ZZEF1: variants seen among roughly 807,000 people sequenced by gnomAD.
The protein encoded by ZZEF1 is zinc finger ZZ-type and EF-hand domain-containing protein 1.
A neutral mutation model predicts 342.8 loss-of-function variants in ZZEF1; 157 were observed. The ratio of observed to expected loss-of-function variants is 0.46; its 90% CI spans 0.40 to 0.52. The LOEUF (loss-of-function observed/expected upper bound fraction) is 0.52. Among genes scored for constraint, ZZEF1 ranks in the 20% least tolerant of loss-of-function variants. ZZEF1 has a pLI of 0.00. For missense variants in ZZEF1, 3,480 were observed against 3,725.6 expected (o/e 0.93, Z 1.72); for synonymous variants, 1,505 against 1,429.1 (o/e 1.05, Z -1.20).
intron 11 of ZZEF1, among the ~76,000 whole-genome samples, chr17:4,092,409 C>T (rs2057962658): frequency 6.6e-6 from 1 of 151,114 alleles, no homozygotes; most frequent in Non-Finnish European, 1.5e-5. Flanking sequence ...AAAGATTCAC[C>T]TGCCTCAGCT....
At chr17:4,009,015 G>A (rs1007317644) in intron 53 of ZZEF1, 61 bp from the exon 54 acceptor site, 2 of 1,515,754 alleles carry the variant, frequency 1.3e-6, no homozygotes, top group Non-Finnish European at 1.8e-6. Flanking sequence ...AGCTCTCCCA[G>A]ACCACCTGGG....
intron 41 of ZZEF1, 86 bp from the exon 42 acceptor site, chr17:4,032,344 T>C (rs1379391117): frequency 4.2e-6 from 6 of 1,436,814 alleles, no homozygotes; most frequent in East Asian, 2.4e-5. Flanking sequence ...CCCCCTTTGA[T>C]TGTGCCTCTG....
At chr17:4,066,571 CT>C (rs779751461) in intron 27 of ZZEF1, 31 bp from the exon 28 acceptor site, 9 of 1,604,474 alleles carry the variant, frequency 5.6e-6, no homozygotes, top group Non-Finnish European at 7.7e-6. Flanking sequence ...CATCATTATG[CT>C]GTCCAGGCAG....
chr17:4,052,031 T>C lies in ZZEF1; in HGVS notation c.5540A>G (p.Asn1847Ser), dbSNP rs779592188. The C allele has an allele frequency of 1.3e-5, 21 of 1,614,088 alleles. No homozygotes were observed. The highest frequency in any genetic ancestry group is 5.3e-5 in the African/African-American group (4 of 74,942). Residue 1847 changes from asparagine (N) to serine (S), a missense_variant, in exon 35 of 55, where the codon AAT becomes AGT. Asn to Ser is a conservative substitution (Grantham distance 46). Transcript: ENST00000381638. ...GLIIGRRMNC[N>S]VCDDFDLCYG... ...GCAAAGATCAAAGTCATCGCAAACA[T>C]TGCAGTTCATCCTCCGGCCTATGAT...
At chr17:4,129,877 C>A (rs1250721084) in intron 1 of ZZEF1, among the ~76,000 whole-genome samples, 1 of 152,158 alleles carries the variant, frequency 6.6e-6, no homozygotes, top group Non-Finnish European at 1.5e-5. Context: ...ATGGATGGAG[C>A]TGGAGGCCAC....
chr17:4,086,335 TTCCCACAGCGGCAATCCCTTTCTGGGGG>T, intron 15 of ZZEF1, 123 bp downstream of exon 15: 1 of 527,808 alleles, frequency 1.9e-6, no homozygotes, highest in Non-Finnish European at 3.3e-6. Context: ...TTCTGGGGGA[TTCCCACAGCGGCAATCCCTTTCTGGGGG>T]ATTCCCACAG....
chr17:4,134,522 T>C (rs759963835), intron 1 of ZZEF1, among the ~76,000 whole-genome samples: 6 of 151,868 alleles, frequency 4.0e-5, no homozygotes, highest in Non-Finnish European at 7.4e-5. Context: ...GTGTGACAAT[T>C]ACGATACGAG....
In ZZEF1 at chr17:4,008,027, G is replaced by A. The variant is rs2055849937; in HGVS notation, c.8805+856C>T. The stretch of plus-strand genomic sequence containing the variant: ...TCCAAGGTTCTCAAAATGTACTCTG[G>A]GGCCAGGCGACTCCCGAGACCCTTT... On this transcript the variant is annotated intron_variant, in intron 54 of 54. Coordinates refer to ENST00000381638, the MANE Select transcript of ZZEF1 (RefSeq NM_015113.4). This position sits in a 1 kb window ranked among gnomAD's most constrained non-coding sequence, Gnocchi z 4.2. Among the ~76,000 whole-genome samples, 1 of 145,388 alleles carries A rather than the reference G, an allele frequency of 6.9e-6. No individual in the cohort carries two copies. Among genetic ancestry groups the A allele is most frequent in the South Asian group, 2.3e-4 (1 of 4,440 alleles).
At chr17:4,010,724 C>CAAAAATAAA (rs2055926056) in intron 52 of ZZEF1, among the ~76,000 whole-genome samples, 1 of 85,268 alleles carries the variant, frequency 1.2e-5, no homozygotes, top group Admixed American at 1.5e-4. Flanking sequence ...GATTCCGTCT[C>CAAAAATAAA]AAAAAAAAAA....
intron 18 of ZZEF1, among the ~76,000 whole-genome samples, chr17:4,079,717 C>G (rs1313077092): frequency 6.6e-6 from 1 of 152,154 alleles, no homozygotes; most frequent in Non-Finnish European, 1.5e-5. Context: ...AGGCACCCTA[C>G]AGGTGCTCTG....
chr17:4,020,460 AG>A (rs2056240191), intron 45 of ZZEF1, among the ~76,000 whole-genome samples: 1 of 152,146 alleles, frequency 6.6e-6, no homozygotes, highest in South Asian at 2.1e-4. Flanking sequence ...CTCCTGCCTC[AG>A]CCTCCTGGGT....
In ZZEF1 at chr17:4,030,358, T is replaced by G. The variant is rs1223687393; in HGVS notation, c.6892+1768A>C. Among the ~76,000 whole-genome samples, 3 of 152,230 alleles carry G rather than the reference T, an allele frequency of 2.0e-5. No individual in the cohort carries two copies. In the East Asian group the frequency reaches 5.8e-4, roughly 29 times the overall value. On this transcript the variant is annotated intron_variant, in intron 42 of 54. Transcript: ENST00000381638. Reference sequence around the variant, plus strand: ...TCTAAATAAACTGAATGATGTACCATGCACTCAATATAGAAGTCCCTGACT... The same window carrying G: ...TCTAAATAAACTGAATGATGTACCAGGCACTCAATATAGAAGTCCCTGACT...
rs1242900685 is a variant in ZZEF1 at position 4,114,373 on chromosome 17, G to C, written c.792C>G (p.Asp264Glu). The change falls in exon 4 of 55, where the codon GAC (aspartate) becomes GAG (glutamate). Residue 264 changes from aspartate to glutamate, a missense_variant. Physicochemically the swap from Asp to Glu is conservative, Grantham distance 45. Transcript: ENST00000381638. Reference protein sequence around the residue: ...AYIETSSNSADIDKMTNGETS... With the variant: ...AYIETSSNSAEIDKMTNGETS... The stretch of plus-strand genomic sequence containing the variant: ...TTTCTCCATTTGTCATCTTGTCAAT[G>C]TCTGCCGAGTTGGAGGATGTTTCTA... 4 of 1,612,378 alleles carry C rather than the reference G, an allele frequency of 2.5e-6. No homozygotes were observed. The highest frequency in any genetic ancestry group is 3.4e-6 in the Non-Finnish European group (4 of 1,179,242).
At chr17:4,096,032 C>T in intron 10 of ZZEF1, 53 bp from the exon 11 acceptor site, 4 of 1,531,338 alleles carry the variant, frequency 2.6e-6, no homozygotes, top group South Asian at 2.5e-5. Context: ...GTTCTGTGGC[C>T]GTTTTGTTTC....
Position 4,056,240 on chromosome 17 carries a change from C to T in ZZEF1, c.5271G>A (p.Gln1757=). 1 of 1,590,168 alleles carries T rather than the reference C, an allele frequency of 6.3e-7. No homozygotes were observed. Among genetic ancestry groups the T allele is most frequent in the Non-Finnish European group, 8.6e-7 (1 of 1,168,038 alleles). ...MFEAWYEKIA[Q]EDPEKQRKMH... is the part of the protein sequence containing the mutation. ...CTTTCCTCTGCTTCTCTGGATCTTCCTGGGCTATTTTTTCATACCAGGCCT... is the reference window on the plus strand; with the variant it reads ...CTTTCCTCTGCTTCTCTGGATCTTCTTGGGCTATTTTTTCATACCAGGCCT... Residue 1757 remains glutamine, a synonymous_variant, in exon 33 of 55, where the codon CAG becomes CAA. Coordinates refer to ENST00000381638, the MANE Select transcript of ZZEF1 (RefSeq NM_015113.4).
At chr17:4,044,961 A>C (rs1391311744) in intron 37 of ZZEF1, among the ~76,000 whole-genome samples, 1 of 151,874 alleles carries the variant, frequency 6.6e-6, no homozygotes, top group Non-Finnish European at 1.5e-5. Flanking sequence ...CAACACCAGC[A>C]TGGCCAACAT....
Position 4,142,615 on chromosome 17 carries a change from G to A in ZZEF1, c.281C>T (p.Ser94Phe). 1.9e-6 allele frequency: 3 copies of A among 1,605,490 alleles called. No homozygotes were observed. Among genetic ancestry groups the A allele is most frequent in the Non-Finnish European group, 2.5e-6 (3 of 1,179,736 alleles). Residue 94 changes from serine to phenylalanine, a missense_variant, in exon 1 of 55, where the codon TCT becomes TTT. This residue lies in a region of ZZEF1 where 416 missense variants were observed against 374.2 expected (regional missense o/e 1.11). Transcript: ENST00000381638. ...LEERLGRGEE[S>F]VTLEQFRELL... ...CTCCCGGAACTGCTCCAGAGTGACA[G>A]ACTCTTCGCCGCGGCCCAGCCGCTC...
chr17:4,068,675 G>A (rs1310394034), intron 26 of ZZEF1, among the ~76,000 whole-genome samples: 2 of 152,186 alleles, frequency 1.3e-5, no homozygotes, highest in African/African-American at 4.8e-5. Context: ...AGAACAGCAT[G>A]AAGCTCTCTT....
At chr17:4,042,664 T>C in intron 38 of ZZEF1, 96 bp from the exon 39 acceptor site, 1 of 1,277,858 alleles carries the variant, frequency 7.8e-7, no homozygotes, top group Non-Finnish European at 1.1e-6. Flanking sequence ...TGCTACGGAA[T>C]AAAGCTGGGA....
Sources: gnomAD v4.1 joint callset for allele counts (sites outside exome capture counted in the v4.1 genomes callset) on GRCh38, gnomAD v4.1.1 for gene constraint, gnomAD v4.1.1 regional missense constraint, Gnocchi (gnomAD v3.1) non-coding constraint, MANE v1.5 for transcripts, NCBI Gene and HGNC (gene_info 2026-07-23, HGNC 2026-07-21) for gene names.